Variants in GRM7 observed in about 807,000 individuals in gnomAD.
GRM7 encodes glutamate metabotropic receptor 7.
GRM7 carries 35 observed loss-of-function variants against 84.5 expected under a neutral mutation model. That is an observed-to-expected ratio of 0.41 (90% CI 0.32 to 0.55). The LOEUF (loss-of-function observed/expected upper bound fraction) is 0.55, where lower values mean the gene tolerates loss of function less well. GRM7 is among the 20% of genes least tolerant of loss of function. GRM7 has a pLI of 0.19. For missense variants in GRM7, 1,003 were observed against 1,194.6 expected (o/e 0.84, Z 2.36); for synonymous variants, 487 against 455.1 (o/e 1.07, Z -0.89).
chr3:6,982,367 C>T (rs1183496946), intron 1 of GRM7, among the ~76,000 whole-genome samples: 2 of 152,076 alleles, frequency 1.3e-5, no homozygotes, highest in Non-Finnish European at 2.9e-5. Context: ...AACTGGATGA[C>T]AGGATTATTG....
chr3:7,509,784 G>GAA (rs1308945995), intron 7 of GRM7, among the ~76,000 whole-genome samples: 1 of 151,868 alleles, frequency 6.6e-6, no homozygotes, highest in Non-Finnish European at 1.5e-5. Flanking sequence ...TTCAGCTGGG[G>GAA]AAATTTTTTT....
chr3:7,347,071 G>A (rs1692926439), intron 4 of GRM7, among the ~76,000 whole-genome samples: 1 of 152,116 alleles, frequency 6.6e-6, no homozygotes, highest in African/African-American at 2.4e-5. Context: ...AAATGCCCTT[G>A]AGGAACTTTT....
chr3:7,060,723 T>C (rs1697408817), intron 1 of GRM7, among the ~76,000 whole-genome samples: 1 of 141,022 alleles, frequency 7.1e-6, no homozygotes, highest in African/African-American at 2.8e-5. Flanking sequence ...TAAATGCATG[T>C]TTCTTTAACG....
chr3:7,072,352 G>A (rs542021464), intron 1 of GRM7, among the ~76,000 whole-genome samples: 6 of 152,230 alleles, frequency 3.9e-5, no homozygotes, highest in African/African-American at 7.2e-5. Context: ...GTTATTGTCA[G>A]TATGCTCATT....
chr3:6,955,915 G>A lies in GRM7; in HGVS notation c.519+94008G>A, dbSNP rs1693029839. ...GTTGAAATTATGAAGAAAGACCACT[G>A]CTGGATTTGTGCAGTGACATTTCTG... On this transcript the variant is annotated intron_variant, in intron 1 of 9. Coordinates refer to ENST00000357716, the MANE Select transcript of GRM7 (RefSeq NM_000844.4). Among the ~76,000 whole-genome samples, 5 of 151,906 alleles carry A rather than the reference G, an allele frequency of 3.3e-5. No homozygotes were observed. The East Asian group carries it at 5.8e-4, about 18-fold the overall frequency.
intron 7 of GRM7, among the ~76,000 whole-genome samples, chr3:7,471,555 C>G (rs1166907236): frequency 6.6e-6 from 1 of 152,096 alleles, no homozygotes; most frequent in African/African-American, 2.4e-5. Flanking sequence ...GTCTCTTCTG[C>G]CTTTTTTTCT....
At chr3:7,175,045 C>T (rs903510531) in intron 2 of GRM7, among the ~76,000 whole-genome samples, 25 of 152,132 alleles carry the variant, frequency 1.6e-4, no homozygotes, top group African/African-American at 6.0e-4. Flanking sequence ...AGATCAGGCC[C>T]AAACTCCATT....
intron 1 of GRM7, among the ~76,000 whole-genome samples, chr3:6,865,561 T>TC (rs1297660679): frequency 3.9e-5 from 6 of 151,954 alleles, no homozygotes; most frequent in African/African-American, 1.5e-4. Context: ...TTTTTTTTTT[T>TC]TCCTCCCAAA....
At chr3:7,680,638 T>C in intron 9 of GRM7, 1 of 264,356 alleles carries the variant, frequency 3.8e-6, no homozygotes, top group African/African-American at 2.2e-5. Context: ...AACAACTTTT[T>C]GTCAGGGAAA....
In GRM7 at chr3:7,356,622, A is replaced by C. The variant is rs148696282; in HGVS notation, c.1033+49970A>C. Among the ~76,000 whole-genome samples the C allele has an allele frequency of 1.4e-4, 21 of 152,158 alleles. No homozygotes were observed. The East Asian group carries it at 3.9e-3, about 28-fold the overall frequency. ...CCGGCCAGCAGAGGAAGATTTTAAT[A>C]ATCAAGTAGATAGGCTGACCCTTTT... is the stretch of plus-strand genomic sequence containing the variant. On this transcript the variant is annotated intron_variant, in intron 4 of 9. Coordinates refer to ENST00000357716, the MANE Select transcript of GRM7 (RefSeq NM_000844.4).
chr3:7,037,458 A>G (rs1383535948), intron 1 of GRM7, among the ~76,000 whole-genome samples: 1 of 152,178 alleles, frequency 6.6e-6, no homozygotes, highest in Admixed American at 6.5e-5. Context: ...AAGAATAATG[A>G]CACTGCATCC....
intron 8 of GRM7, among the ~76,000 whole-genome samples, chr3:7,673,023 AAC>A (rs1335951900): frequency 2.0e-5 from 3 of 152,238 alleles, no homozygotes; most frequent in African/African-American, 7.2e-5. Context: ...AATGAAAAAT[AAC>A]AGTGTAGAAA....
chr3:7,204,475 T>G (rs1559500890), intron 2 of GRM7, among the ~76,000 whole-genome samples: 1 of 152,232 alleles, frequency 6.6e-6, no homozygotes, highest in Non-Finnish European at 1.5e-5. Context: ...GGCTTAGCCT[T>G]GCATTCCTGA....
intron 1 of GRM7, among the ~76,000 whole-genome samples, chr3:6,881,841 A>G (rs1308002791): frequency 3.3e-5 from 5 of 152,096 alleles, no homozygotes; most frequent in African/African-American, 2.4e-5. Context: ...CAACACTGCT[A>G]CAATCTGGAG....
intron 7 of GRM7, among the ~76,000 whole-genome samples, chr3:7,475,076 C>T (rs3804958): frequency 0.28 from 42,849 of 152,038 alleles, 6,294 homozygotes; most frequent in East Asian, 0.38. Flanking sequence ...TTCAATTGCC[C>T]TACGTAAAAG....
At chr3:7,455,449 G>A (rs1697967579) in intron 6 of GRM7, among the ~76,000 whole-genome samples, 2 of 152,066 alleles carry the variant, frequency 1.3e-5, no homozygotes. Context: ...ACGTAAAAGA[G>A]GTAATCAAGG....
intron 7 of GRM7, among the ~76,000 whole-genome samples, chr3:7,483,169 A>C (rs778088034): frequency 9.2e-5 from 14 of 152,208 alleles, no homozygotes; most frequent in South Asian, 4.1e-4. Flanking sequence ...TGAGGATGCA[A>C]CCTTGGACAT....
At chr3:7,250,612 C>T (rs1269883845) in intron 2 of GRM7, among the ~76,000 whole-genome samples, 1 of 152,124 alleles carries the variant, frequency 6.6e-6, no homozygotes, top group African/African-American at 2.4e-5. Flanking sequence ...TAACCGCCAC[C>T]TCCTGGGTTC....
intron 9 of GRM7, among the ~76,000 whole-genome samples, chr3:7,699,804 T>G (rs1047189157): frequency 2.6e-5 from 4 of 152,150 alleles, no homozygotes; most frequent in Admixed American, 6.5e-5. Context: ...TTTAAAAAAA[T>G]AACCTGATTG....
Sources: allele counts gnomAD v4.1 joint callset (sites outside exome capture counted in the v4.1 genomes callset), GRCh38; gene constraint gnomAD v4.1.1; transcripts MANE v1.5; gene names NCBI Gene and HGNC (gene_info 2026-07-23, HGNC 2026-07-21).